The following WDR59 variants were observed in gnomAD, a reference collection of about 807,000 sequenced individuals.
WDR59 encodes WD repeat domain 59.
Under a neutral mutation model 131.2 loss-of-function variants are expected in WDR59, and 100 were observed. The observed-to-expected ratio is 0.76, with a 90% CI of 0.65 to 0.90. The LOEUF is 0.90. Ranked by LOEUF, WDR59 falls within the 40% of genes least tolerant of loss-of-function variation. The pLI is 0.00. For synonymous variants in WDR59, 601 were observed against 466.2 expected (o/e 1.29, Z -3.72); for missense variants, 1,203 against 1,262.2 (o/e 0.95, Z 0.71).
In WDR59 at chr16:74,942,633, AG is replaced by A. The variant is rs2032319412; in HGVS notation, c.534+104del. The A allele has an allele frequency of 3.8e-6, 4 of 1,052,058 alleles. No homozygotes were observed. The East Asian group carries it at 9.9e-5, about 26-fold the overall frequency. The allele number at this position is 1,052,058 out of a possible 1,614,324, so 65.2% of individuals were successfully genotyped here. A position where few individuals can be genotyped will look rare whatever the true frequency, so the allele number is the denominator to read the frequency against. On this transcript the variant is annotated intron_variant, in intron 7 of 25. Transcript: ENST00000262144. ...AAAATGGTCATTTACCATGCTGCAC[AG>A]GGTTCCCCAGACTCTCAAGCCAAGT...
rs76315544 is a variant in WDR59 at position 74,879,795 on chromosome 16, A to G, written c.2690-5351T>C. ...GAACAATAACCCCATAGGAAATATC[A>G]TATGTTGATTAACCTCATCTGCAAA... On this transcript the variant is annotated intron_variant, in intron 25 of 25. Coordinates refer to ENST00000262144, the MANE Select transcript of WDR59 (RefSeq NM_030581.4). Among the ~76,000 whole-genome samples the G allele has an allele frequency of 1.7e-3, 265 of 152,332 alleles. 2 individuals carry two copies. Among genetic ancestry groups the G allele is most frequent in the African/African-American group, 6.2e-3 (257 of 41,578 alleles).
At chr16:74,956,296 C>T (rs112545913) in intron 3 of WDR59, among the ~76,000 whole-genome samples, 179 bp downstream of exon 3, 22 of 152,272 alleles carry the variant, frequency 1.4e-4, no homozygotes, top group Non-Finnish European at 1.8e-4. Flanking sequence ...ATGGGACCAG[C>T]GAGCATTCCC....
intron 11 of WDR59, among the ~76,000 whole-genome samples, 183 bp downstream of exon 11, chr16:74,917,746 T>C (rs1311640562): frequency 6.9e-6 from 1 of 144,886 alleles, no homozygotes; most frequent in Non-Finnish European, 1.5e-5. Context: ...GAGGCAGAGG[T>C]TGCAGTGAGC....
intron 7 of WDR59, among the ~76,000 whole-genome samples, chr16:74,940,371 T>A: frequency 6.7e-6 from 1 of 149,234 alleles, no homozygotes; most frequent in Non-Finnish European, 1.5e-5. Flanking sequence ...AGAGTGAGAC[T>A]CTGTCTCCCA....
chr16:74,921,496 CTT>C (rs962588105), intron 10 of WDR59, among the ~76,000 whole-genome samples: 1 of 147,134 alleles, frequency 6.8e-6, no homozygotes, highest in African/African-American at 2.5e-5. Flanking sequence ...CATCTGTTTT[CTT>C]TTTTTTTTTC....
At chr16:74,882,841 GAAAGAAAAGA>G (rs1412916337) in intron 25 of WDR59, among the ~76,000 whole-genome samples, 1 of 124,614 alleles carries the variant, frequency 8.0e-6, no homozygotes, top group Non-Finnish European at 1.7e-5. Context: ...AAGAAAGAAA[GAAAGAAAAGA>G]AAAGAAAAAG....
At chr16:74,973,569 T>C (rs1567444040) in intron 1 of WDR59, among the ~76,000 whole-genome samples, 2 of 151,308 alleles carry the variant, frequency 1.3e-5, no homozygotes, top group Non-Finnish European at 3.0e-5. Context: ...TTACAAGGCG[T>C]GAGCCACCAT....
intron 8 of WDR59, among the ~76,000 whole-genome samples, chr16:74,925,469 G>A (rs1026511871): frequency 2.6e-5 from 4 of 151,700 alleles, no homozygotes; most frequent in Non-Finnish European, 2.9e-5. Context: ...GCTTGAACCC[G>A]GGAGGCAGAG....
intron 25 of WDR59, among the ~76,000 whole-genome samples, chr16:74,882,785 C>T (rs116082713): frequency 5.8e-5 from 7 of 120,112 alleles, no homozygotes; most frequent in South Asian, 2.8e-4. Context: ...AGTCCAGCCT[C>T]GGCGACAGAG....
intron 25 of WDR59, among the ~76,000 whole-genome samples, chr16:74,875,184 C>T (rs1050562404): frequency 6.6e-6 from 1 of 152,206 alleles, no homozygotes. Flanking sequence ...CAAGTCAGGA[C>T]ACCGGGATGC....
chr16:74,967,574 C>T (rs1158465905), intron 1 of WDR59, among the ~76,000 whole-genome samples: 1 of 152,088 alleles, frequency 6.6e-6, no homozygotes, highest in African/African-American at 2.4e-5. Flanking sequence ...TAAGATAGAA[C>T]TCGGCTGGGC....
intron 8 of WDR59, among the ~76,000 whole-genome samples, chr16:74,937,672 T>G (rs536069756): frequency 6.6e-6 from 1 of 152,208 alleles, no homozygotes; most frequent in Admixed American, 6.5e-5. Flanking sequence ...CAGCTAATTT[T>G]TGTATTTTTA....
chr16:74,892,084 T>G (rs947384905), intron 20 of WDR59, among the ~76,000 whole-genome samples: 1 of 152,034 alleles, frequency 6.6e-6, no homozygotes, highest in South Asian at 2.1e-4. Context: ...ATTTAAATAT[T>G]TGTCATGTTA....
chr16:74,886,177 C>CAAAAAAAAAAAATA, intron 24 of WDR59, 93 bp downstream of exon 24: 1 of 1,009,402 alleles, frequency 9.9e-7, no homozygotes, highest in Non-Finnish European at 1.4e-6. Context: ...ATTCTGTGTC[C>CAAAAAAAAAAAATA]AAAAAAAAAA....
At chr16:74,967,747 T>C (rs2033830695) in intron 1 of WDR59, among the ~76,000 whole-genome samples, 1 of 151,292 alleles carries the variant, frequency 6.6e-6, no homozygotes, top group African/African-American at 2.4e-5. Context: ...TAATCCCAGC[T>C]ACTCAGGAGG....
intron 23 of WDR59, 65 bp downstream of exon 23, chr16:74,887,618 G>C (rs1275999057): frequency 2.1e-6 from 3 of 1,444,852 alleles, no homozygotes; most frequent in Non-Finnish European, 2.9e-6. Context: ...TCAACTAAAG[G>C]TTACATATGC....
chr16:74,932,858 T>C (rs1186719140), intron 8 of WDR59, among the ~76,000 whole-genome samples: 2 of 152,244 alleles, frequency 1.3e-5, no homozygotes, highest in African/African-American at 2.4e-5. Context: ...CACATTAGTA[T>C]ACATGCTTAC....
At chr16:74,884,678 C>G (rs1417177053) in intron 25 of WDR59, among the ~76,000 whole-genome samples, 1 of 152,126 alleles carries the variant, frequency 6.6e-6, no homozygotes, top group Non-Finnish European at 1.5e-5. Context: ...AACTTACAAG[C>G]CCCTGCCTGA....
chr16:74,893,308 G>A (rs1361502926), intron 19 of WDR59, among the ~76,000 whole-genome samples: 1 of 152,136 alleles, frequency 6.6e-6, no homozygotes, highest in Non-Finnish European at 1.5e-5. Context: ...GTCTCAAGAC[G>A]AAATTTACAG....
Sources: allele counts gnomAD v4.1 joint callset (sites outside exome capture counted in the v4.1 genomes callset), GRCh38; gene constraint gnomAD v4.1.1; transcripts MANE v1.5; gene names NCBI Gene and HGNC (gene_info 2026-07-23, HGNC 2026-07-21).